Variants in CAMK2G observed in about 807,000 individuals in gnomAD.
CAMK2G encodes calcium/calmodulin dependent protein kinase II gamma.
CAMK2G carries 23 observed loss-of-function variants against 88.7 expected under a neutral mutation model. That is an observed-to-expected ratio of 0.26 (90% confidence interval 0.19 to 0.37). CAMK2G has a LOEUF of 0.37. Among genes scored for constraint, CAMK2G ranks in the 10% least tolerant of loss-of-function variants. CAMK2G has a pLI of 1.00. For synonymous variants in CAMK2G, 263 were observed against 294.8 expected, an observed-to-expected ratio of 0.89 and a Z score of 1.11; for missense variants, 476 against 780.8, an observed-to-expected ratio of 0.61 and a Z score of 4.65.
intron 14 of CAMK2G, among the ~76,000 whole-genome samples, chr10:73,836,042 C>G (rs2093173180): frequency 6.6e-6 from 1 of 152,126 alleles, no homozygotes; most frequent in Admixed American, 6.5e-5. Flanking sequence ...CCAGGTTGGC[C>G]AGGCTGGTCT....
At chr10:73,857,014 A>G (rs2135364990) in intron 3 of CAMK2G, among the ~76,000 whole-genome samples, 1 of 152,322 alleles carries the variant, frequency 6.6e-6, no homozygotes, top group East Asian at 1.9e-4. Flanking sequence ...TCCTGTTGCC[A>G]TGGGGGCTTG....
intron 14 of CAMK2G, chr10:73,836,917 C>T (rs557119521): frequency 7.6e-5 from 12 of 156,924 alleles, no homozygotes; most frequent in Non-Finnish European, 1.4e-4. Context: ...GGGAACAAGC[C>T]GTGATCCACC....
At chr10:73,823,493 G>A (rs1028976726) in intron 17 of CAMK2G, among the ~76,000 whole-genome samples, 4 of 152,182 alleles carry the variant, frequency 2.6e-5, no homozygotes, top group African/African-American at 9.7e-5. Context: ...GAGGATTACA[G>A]GTGTGAGCCA....
intron 12 of CAMK2G, among the ~76,000 whole-genome samples, chr10:73,840,108 T>C (rs978462930): frequency 3.3e-5 from 5 of 152,188 alleles, no homozygotes; most frequent in African/African-American, 7.2e-5. Context: ...CTGTGGCCCT[T>C]GTGCAGCTAA....
intron 3 of CAMK2G, among the ~76,000 whole-genome samples, chr10:73,856,711 G>C (rs1565449599): frequency 6.6e-6 from 1 of 152,244 alleles, no homozygotes; most frequent in Non-Finnish European, 1.5e-5. Context: ...CCATAGACAG[G>C]AAGATCTGGG....
At chr10:73,824,404 G>A (rs970883178) in intron 16 of CAMK2G, among the ~76,000 whole-genome samples, 9 of 152,186 alleles carry the variant, frequency 5.9e-5, no homozygotes, top group African/African-American at 2.2e-4. Flanking sequence ...GGGTTCCCAC[G>A]GGGCAGGTAC....
chr10:73,867,333 A>C (rs1314326785), intron 2 of CAMK2G, among the ~76,000 whole-genome samples: 2 of 152,250 alleles, frequency 1.3e-5, no homozygotes, highest in East Asian at 1.9e-4. Flanking sequence ...CAAGAAGGCA[A>C]GGCTCTGCCT....
At chr10:73,860,939 G>C in intron 2 of CAMK2G, 50 bp from the exon 3 acceptor site, 1 of 1,316,774 alleles carries the variant, frequency 7.6e-7, no homozygotes, top group Non-Finnish European at 1.1e-6. Flanking sequence ...CATTCTCCTT[G>C]TGGTCACCTT....
In CAMK2G at chr10:73,829,700, G is replaced by GGTGTGTGTGT. The variant is rs60725888; in HGVS notation, c.1054-1589_1054-1580dup. Among the ~76,000 whole-genome samples, 238 of 138,438 alleles carry GGTGTGTGTGT rather than the reference G, an allele frequency of 1.7e-3. 1 individual carries two copies. Among genetic ancestry groups the GGTGTGTGTGT allele is most frequent in the African/African-American group, 5.3e-3 (195 of 36,976 alleles). The allele number at this position is 138,438 out of a possible 152,430, so 90.8% of individuals were successfully genotyped here. The stretch of plus-strand genomic sequence containing the variant: ...TTATATTCATATATATAAGTAGTGG[G>GGTGTGTGTGT]GTGTGTGTGTGTGTGTGTGTGTGTG... On this transcript the variant is annotated intron_variant, in intron 14 of 22. Coordinates refer to ENST00000423381, the MANE Select transcript of CAMK2G (RefSeq NM_001367534.1).
At chr10:73,828,154 G>A in intron 14 of CAMK2G, 33 bp from the exon 15 acceptor site, 1 of 1,593,444 alleles carries the variant, frequency 6.3e-7, no homozygotes, top group Non-Finnish European at 8.6e-7. Flanking sequence ...GAAAGAGAAG[G>A]GGAAAGAGGA....
intron 14 of CAMK2G, among the ~76,000 whole-genome samples, chr10:73,830,397 G>A (rs550551643): frequency 6.6e-6 from 1 of 152,238 alleles, no homozygotes; most frequent in South Asian, 2.1e-4. Flanking sequence ...TCAGCCACCT[G>A]AGTAGCTAGG....
At chr10:73,832,379 T>A (rs1439543623) in intron 14 of CAMK2G, among the ~76,000 whole-genome samples, 1 of 152,054 alleles carries the variant, frequency 6.6e-6, no homozygotes, top group Non-Finnish European at 1.5e-5. Context: ...CGCACTTGGC[T>A]CACCGCAACC....
chr10:73,848,956 A>G lies in CAMK2G; in HGVS notation c.517+57T>C. 9.1e-7 allele frequency: 1 copy of G among 1,093,720 alleles called. No homozygotes were observed. The highest frequency in any genetic ancestry group is 1.4e-6 in the Non-Finnish European group (1 of 705,072). The allele number at this position is 1,093,720 out of a possible 1,614,324, so 67.8% of individuals were successfully genotyped here. A position where few individuals can be genotyped will look rare whatever the true frequency, so the allele number is the denominator to read the frequency against. On this transcript the variant is annotated intron_variant, in intron 7 of 22. Coordinates refer to ENST00000423381, the MANE Select transcript of CAMK2G (RefSeq NM_001367534.1). The surrounding 1 kb of genome is among the most constrained non-coding windows in gnomAD (Gnocchi z 4.5). ...TTCTAGTTCTAATAGAGGAAGGCAG[A>G]TCAGGAAGAGGAGGAAGGGCGGGGG...
chr10:73,819,435 G>A (rs998629416), intron 19 of CAMK2G, 97 bp downstream of exon 19: 6 of 823,526 alleles, frequency 7.3e-6, no homozygotes, highest in Non-Finnish European at 1.2e-5. Flanking sequence ...ACTACCACGG[G>A]CAGGTGGGTG....
chr10:73,816,763 A>G (rs1056821821), intron 21 of CAMK2G: 2 of 1,450,430 alleles, frequency 1.4e-6, no homozygotes, highest in East Asian at 3.0e-5. Context: ...CCGGCAAGAA[A>G]TAAGTGAGCT....
intron 1 of CAMK2G, chr10:73,873,345 C>T (rs1454458957): frequency 1.1e-5 from 15 of 1,345,040 alleles, no homozygotes; most frequent in Non-Finnish European, 1.3e-5. Context: ...GCCTCCACCT[C>T]AGGCTGCACA....
chr10:73,821,699 T>A lies in CAMK2G; in HGVS notation c.1232A>T (p.Glu411Val). The change falls in exon 18 of 23, where the codon GAA becomes GTA. Residue 411 changes from glutamate to valine, a missense_variant. Glu to Val is a moderately radical substitution (Grantham distance 121). Coordinates refer to ENST00000423381, the MANE Select transcript of CAMK2G (RefSeq NM_001367534.1). ...GCACCTACCTTTGAGGTCCTCATCT[T>A]CTGTGGTGGTGTTGCAGCTCTCTGT... ...GSTESCNTTT[E>V]DEDLKAAPLR... 6.2e-7 allele frequency: 1 copy of A among 1,611,680 alleles called. No individual in the cohort carries two copies. The highest frequency in any genetic ancestry group is 8.5e-7 in the Non-Finnish European group (1 of 1,179,002).
chr10:73,863,395 G>T (rs1181844523), intron 2 of CAMK2G, among the ~76,000 whole-genome samples: 1 of 152,218 alleles, frequency 6.6e-6, no homozygotes, highest in Non-Finnish European at 1.5e-5. Context: ...GCCTTGCCTG[G>T]TGGCTGGGGG....
In CAMK2G at chr10:73,824,056, G is replaced by T. The variant is rs772023648; in HGVS notation, c.1184C>A (p.Ala395Asp). The T allele has an allele frequency of 4.6e-5, 74 of 1,613,360 alleles. No homozygotes were observed. Among genetic ancestry groups the T allele is most frequent in the Non-Finnish European group, 6.3e-5 (74 of 1,179,486 alleles). ...GCCACTCACCTTGATCCCATCTGTA[G>T]CGTTGTGTACCACAGTGGTTTGTGG... ...MEPQTTVVHNATDGIKGSTES... is the reference protein window; with the variant it reads ...MEPQTTVVHNDTDGIKGSTES... The change falls in exon 17 of 23, where the codon GCT becomes GAT. Residue 395 changes from alanine (A) to aspartate (D), a missense_variant. Physicochemically the swap from Ala to Asp is moderately radical, Grantham distance 126 (BLOSUM62 -2). This residue lies in a region of CAMK2G where 278 missense variants were observed against 366.5 expected (regional missense o/e 0.76). Transcript: ENST00000423381.
Sources: gnomAD v4.1 joint callset for allele counts (sites outside exome capture counted in the v4.1 genomes callset) on GRCh38, gnomAD v4.1.1 for gene constraint, gnomAD v4.1.1 regional missense constraint, Gnocchi (gnomAD v3.1) non-coding constraint, MANE v1.5 for transcripts, NCBI Gene and HGNC (gene_info 2026-07-23, HGNC 2026-07-21) for gene names.